FSTL5: variants seen among roughly 807,000 people sequenced by gnomAD.
FSTL5 encodes follistatin like 5, also known as follistatin-related protein 5.
In FSTL5, 62 loss-of-function variants were observed where a neutral mutation model predicts 89.1. The observed-to-expected ratio is 0.70, with a 90% confidence interval of 0.57 to 0.86. The LOEUF (loss-of-function observed/expected upper bound fraction) is 0.86, where lower values mean the gene tolerates loss of function less well. FSTL5 is among the 40% of genes least tolerant of loss of function. FSTL5 has a pLI of 0.00. For synonymous variants in FSTL5, 383 were observed against 346.2 expected (o/e 1.11, Z -1.18); for missense variants, 1,057 against 1,001.6 (o/e 1.06, Z -0.75).
chr4:162,106,161 G>T (rs2111395713), intron 2 of FSTL5, among the ~76,000 whole-genome samples: 1 of 152,250 alleles, frequency 6.6e-6, no homozygotes, highest in East Asian at 1.9e-4. Flanking sequence ...TGCCCCATTT[G>T]CTCAGTAACT....
chr4:161,995,428 G>C (rs1004532586), intron 3 of FSTL5, among the ~76,000 whole-genome samples: 4 of 152,088 alleles, frequency 2.6e-5, no homozygotes, highest in African/African-American at 9.7e-5. Flanking sequence ...CTTGTGCTTG[G>C]CTTGATATTA....
At chr4:161,988,893 G>A (rs1736035535) in intron 3 of FSTL5, among the ~76,000 whole-genome samples, 1 of 152,122 alleles carries the variant, frequency 6.6e-6, no homozygotes, top group African/African-American at 2.4e-5. Flanking sequence ...CATATATCAA[G>A]TAGCCCTTTC....
Position 161,597,537 on chromosome 4 carries a change from G to A in FSTL5, c.895-9962C>T, listed in dbSNP as rs540158452. On this transcript the variant is annotated intron_variant, in intron 7 of 15. Coordinates refer to ENST00000306100, the MANE Select transcript of FSTL5 (RefSeq NM_020116.5). ...GAGATATACCTAATGTAAATGACGA[G>A]TTAATGGGTGCAGCAGACCAATATG... Among the ~76,000 whole-genome samples the A allele has an allele frequency of 4.0e-5, 6 of 151,434 alleles. No individual in the cohort carries two copies. In the South Asian group the frequency reaches 1.0e-3, roughly 26 times the overall value.
At chr4:161,699,658 T>C (rs1430382262) in intron 6 of FSTL5, among the ~76,000 whole-genome samples, 1 of 152,230 alleles carries the variant, frequency 6.6e-6, no homozygotes, top group Admixed American at 6.5e-5. Flanking sequence ...ATTTTCTAAT[T>C]GGGCATAAAA....
At chr4:161,532,270 A>G (rs1281482986) in intron 10 of FSTL5, among the ~76,000 whole-genome samples, 3 of 152,148 alleles carry the variant, frequency 2.0e-5, no homozygotes, top group Non-Finnish European at 4.4e-5. Flanking sequence ...TATGTCTTGC[A>G]CTATGACAAG....
intron 7 of FSTL5, among the ~76,000 whole-genome samples, chr4:161,634,023 C>T (rs935511335): frequency 6.6e-6 from 1 of 152,130 alleles, no homozygotes; most frequent in African/African-American, 2.4e-5. Flanking sequence ...TGTTGGACAA[C>T]GTATACACAA....
At chr4:161,699,683 T>C (rs1426992833) in intron 6 of FSTL5, among the ~76,000 whole-genome samples, 1 of 152,230 alleles carries the variant, frequency 6.6e-6, no homozygotes, top group Non-Finnish European at 1.5e-5. Context: ...AATTTTTAAA[T>C]GTTAGGACAA....
intron 6 of FSTL5, among the ~76,000 whole-genome samples, chr4:161,748,688 G>A (rs954605969): frequency 6.7e-6 from 1 of 148,358 alleles, no homozygotes; most frequent in Non-Finnish European, 1.5e-5. Context: ...TTCTTTTAAG[G>A]AAAGGAAAGA....
At chr4:161,747,920 T>C (rs532799663) in intron 6 of FSTL5, among the ~76,000 whole-genome samples, 2 of 152,320 alleles carry the variant, frequency 1.3e-5, no homozygotes, top group East Asian at 1.9e-4. Flanking sequence ...ATTTACTTTT[T>C]ATCATTAAAA....
At chr4:161,962,696 T>C (rs948199493) in intron 3 of FSTL5, among the ~76,000 whole-genome samples, 3 of 151,980 alleles carry the variant, frequency 2.0e-5, no homozygotes, top group Admixed American at 2.0e-4. Context: ...TAAGTTCCTT[T>C]AGGGCAGGCA....
chr4:161,580,293 TAAAC>T (rs1318659778), intron 8 of FSTL5, among the ~76,000 whole-genome samples: 1 of 152,168 alleles, frequency 6.6e-6, no homozygotes, highest in East Asian at 1.9e-4. Flanking sequence ...AAGTCTTCTG[TAAAC>T]AAACATAGTG....
At chr4:161,473,603 A>T (rs1734024931) in intron 13 of FSTL5, among the ~76,000 whole-genome samples, 4 of 151,922 alleles carry the variant, frequency 2.6e-5, no homozygotes, top group African/African-American at 9.7e-5. Flanking sequence ...AAATTAAAAA[A>T]TGTGTATATA....
At chr4:161,939,074 T>C (rs549759069) in intron 3 of FSTL5, among the ~76,000 whole-genome samples, 1 of 152,068 alleles carries the variant, frequency 6.6e-6, no homozygotes, top group Admixed American at 6.6e-5. Flanking sequence ...ACTTTTCTAG[T>C]TTTAACTGAT....
intron 6 of FSTL5, among the ~76,000 whole-genome samples, chr4:161,686,183 A>G (rs1380449947): frequency 6.7e-6 from 1 of 150,116 alleles, no homozygotes; most frequent in African/African-American, 2.4e-5. Context: ...TTTAGCATCT[A>G]TGTTCATCAG....
At chr4:162,099,428 A>G (rs1439093961) in intron 2 of FSTL5, among the ~76,000 whole-genome samples, 1 of 152,186 alleles carries the variant, frequency 6.6e-6, no homozygotes, top group African/African-American at 2.4e-5. Context: ...TATGTCTCTC[A>G]TGGCAAGAAT....
intron 2 of FSTL5, among the ~76,000 whole-genome samples, chr4:162,064,399 G>T (rs1738821205): frequency 6.6e-6 from 1 of 152,010 alleles, no homozygotes; most frequent in African/African-American, 2.4e-5. Flanking sequence ...CATTTTCTGT[G>T]TGTCTGTGAG....
intron 12 of FSTL5, among the ~76,000 whole-genome samples, chr4:161,490,596 A>G (rs1025969548): frequency 2.2e-4 from 33 of 152,064 alleles, no homozygotes; most frequent in African/African-American, 7.7e-4. Context: ...TAGTTCTTGC[A>G]TCTTTCCATA....
chr4:161,817,104 T>C (rs1338989302), intron 4 of FSTL5, among the ~76,000 whole-genome samples: 3 of 152,218 alleles, frequency 2.0e-5, no homozygotes, highest in African/African-American at 7.2e-5. Flanking sequence ...TCCAGGATGA[T>C]GCTACAACTT....
intron 7 of FSTL5, among the ~76,000 whole-genome samples, chr4:161,588,526 A>G (rs964183104): frequency 2.0e-5 from 3 of 152,154 alleles, no homozygotes; most frequent in African/African-American, 7.2e-5. Flanking sequence ...CACCGTTAAA[A>G]TCAAATCCAT....
Sources: gnomAD v4.1 joint callset for allele counts (sites outside exome capture counted in the v4.1 genomes callset) on GRCh38, gnomAD v4.1.1 for gene constraint, MANE v1.5 for transcripts, NCBI Gene and HGNC (gene_info 2026-07-23, HGNC 2026-07-21) for gene names.